Variants in IDH2 observed in about 807,000 individuals in gnomAD.
IDH2 encodes the protein isocitrate dehydrogenase (NADP(+)) 2.
In IDH2, 18 loss-of-function variants were observed where a neutral mutation model predicts 50.5. That is an observed-to-expected ratio of 0.36 (90% CI 0.25 to 0.53). The LOEUF (loss-of-function observed/expected upper bound fraction) is 0.53, where lower values mean the gene tolerates loss of function less well. Among genes scored for constraint, IDH2 ranks in the 20% least tolerant of loss-of-function variants. The pLI, the probability that IDH2 is intolerant of heterozygous loss-of-function variation, is 0.92. For synonymous variants in IDH2, 280 were observed against 239.8 expected (o/e 1.17, Z -1.55); for missense variants, 518 against 610.7 (o/e 0.85, Z 1.60).
rs35474233 is a variant in IDH2 at position 90,084,424 on chromosome 15, AG to A, written c.1272-72del. On this transcript the variant is annotated intron_variant, in intron 10 of 10. Transcript: ENST00000330062. This position sits in a 1 kb window ranked among gnomAD's most constrained non-coding sequence, Gnocchi z 5.0. ...CCAAGGCCATCAGCCAGGCCCTTCC[AG>A]GGAACAGCCTGAGCTTGGGCATCAG... 2 of 1,383,598 alleles carry A rather than the reference AG, an allele frequency of 1.4e-6. No homozygotes were observed. The allele number at this position is 1,383,598 out of a possible 1,614,324, so 85.7% of individuals were successfully genotyped here. A position where few individuals can be genotyped will look rare whatever the true frequency, so the allele number is the denominator to read the frequency against.
intron 1 of IDH2, among the ~76,000 whole-genome samples, chr15:90,093,437 C>G (rs74575839): frequency 1.3e-5 from 2 of 152,082 alleles, no homozygotes; most frequent in Non-Finnish European, 2.9e-5. Flanking sequence ...TTGTCTGTTG[C>G]GTGCAACCCA....
In IDH2 at chr15:90,102,324, G is replaced by A. The variant is rs1433340280; in HGVS notation, c.67C>T (p.Pro23Ser). ...GAGGTGGGGGCTGTCAGGGCCGCCGGCGCCCAGGCCGGCCGCGAGCCTGAG... is the reference window on the plus strand; with the variant it reads ...GAGGTGGGGGCTGTCAGGGCCGCCGACGCCCAGGCCGGCCGCGAGCCTGAG... Reference protein sequence around the residue: ...RASGSRPAWAPAALTAPTSQE... With the variant: ...RASGSRPAWASAALTAPTSQE... Residue 23 changes from proline to serine, a missense_variant, in exon 1 of 11, where the codon CCG becomes TCG. By Grantham distance (74) the Pro-to-Ser change is moderately conservative. Around this residue, in one of 5 missense-constraint regions of IDH2, gnomAD observed 85 missense variants for 66.9 expected, o/e 1.27. Coordinates refer to ENST00000330062, the MANE Select transcript of IDH2 (RefSeq NM_002168.4). 1.5e-6 allele frequency: 2 copies of A among 1,361,788 alleles called. No individual in the cohort carries two copies. Among genetic ancestry groups the A allele is most frequent in the Middle Eastern group, 2.6e-4 (1 of 3,890 alleles). 84.4% of individuals were successfully genotyped at this position (1,361,788 alleles called of 1,614,324 possible).
rs1438792310 is a variant in IDH2, at chr15:90,085,691, G to A, written c.968-304C>T. Among the ~76,000 whole-genome samples, 2 of 152,206 alleles carry A rather than the reference G, an allele frequency of 1.3e-5. No individual in the cohort carries two copies. The highest frequency in any genetic ancestry group is 4.8e-5 in the African/African-American group (2 of 41,456). ...GGCCCACAGGGCCCAAGAGGCCACA[G>A]AGTCCTGTGGTCCCCCACAGCCTGC... On this transcript the variant is annotated intron_variant, in intron 7 of 10. Transcript: ENST00000330062. This position sits in a 1 kb window ranked among gnomAD's most constrained non-coding sequence, Gnocchi z 5.5.
chr15:90,091,902 C>T (rs1901048959), intron 1 of IDH2, among the ~76,000 whole-genome samples: 1 of 152,238 alleles, frequency 6.6e-6, no homozygotes, highest in Admixed American at 6.5e-5. Context: ...TGCAGGTCCA[C>T]GGACTGTTGG....
rs149060243 is a variant in IDH2, at chr15:90,085,289, G to A, written c.1066C>T (p.Arg356Trp). ...AAHGTVTRHY[R>W]EHQKGRPTST... is the part of the protein sequence containing the mutation. ...CCTGCACTCACCTTCTGGTGCTCCC[G>A]ATAGTGGCGGGTGACGGTCCCATGA... The change falls in exon 8 of 11, where the codon CGG (arginine) becomes TGG (tryptophan). Residue 356 changes from arginine (R) to tryptophan (W), a missense_variant. By Grantham distance (101) the Arg-to-Trp change is moderately radical. Around this residue, in one of 5 missense-constraint regions of IDH2, gnomAD observed 135 missense variants for 167.6 expected, o/e 0.81. Coordinates refer to ENST00000330062, the MANE Select transcript of IDH2 (RefSeq NM_002168.4). This position sits in a 1 kb window ranked among gnomAD's most constrained non-coding sequence, Gnocchi z 5.5. 2.6e-6 allele frequency: 4 copies of A among 1,554,788 alleles called. No homozygotes were observed. Among genetic ancestry groups the A allele is most frequent in the African/African-American group, 2.7e-5 (2 of 73,282 alleles).
At chr15:90,096,598 T>C (rs905092855) in intron 1 of IDH2, among the ~76,000 whole-genome samples, 1 of 151,852 alleles carries the variant, frequency 6.6e-6, no homozygotes, top group Non-Finnish European at 1.5e-5. Flanking sequence ...TGGAAAACAG[T>C]ATGGGTGTTC....
intron 1 of IDH2, among the ~76,000 whole-genome samples, chr15:90,094,512 G>C (rs1257450705): frequency 6.6e-6 from 1 of 152,202 alleles, no homozygotes; most frequent in Non-Finnish European, 1.5e-5. Flanking sequence ...AATTACTCTT[G>C]TGTTACACAC....
Position 90,087,190 on chromosome 15 carries a change from C to A in IDH2, c.889G>T (p.Val297Phe). The A allele has an allele frequency of 6.2e-7, 1 of 1,614,144 alleles. No individual in the cohort carries two copies. The highest frequency in any genetic ancestry group is 8.5e-7 in the Non-Finnish European group (1 of 1,180,040). The change falls in exon 7 of 11, where the codon GTC becomes TTC. Residue 297 changes from valine (V) to phenylalanine (F), a missense_variant. Physicochemically the swap from Val to Phe is conservative, Grantham distance 50. Coordinates refer to ENST00000330062, the MANE Select transcript of IDH2 (RefSeq NM_002168.4). ...ACAAAGCCACCCGAAGACTTGAGGA[C>A]CTGAGCCACCATGTCATCAATGAGC... is the stretch of plus-strand genomic sequence containing the variant. ...HRLIDDMVAQ[V>F]LKSSGGFVWA... is the part of the protein sequence containing the mutation.
intron 1 of IDH2, among the ~76,000 whole-genome samples, chr15:90,094,714 T>G (rs981191461): frequency 1.3e-5 from 2 of 152,212 alleles, no homozygotes; most frequent in African/African-American, 4.8e-5. Flanking sequence ...AAGACCAGCC[T>G]GGCCAACATG....
At chr15:90,089,276 T>C (rs990772149) in intron 3 of IDH2, among the ~76,000 whole-genome samples, 7 of 152,136 alleles carry the variant, frequency 4.6e-5, no homozygotes, top group African/African-American at 7.2e-5. Flanking sequence ...AAAAAAAAAT[T>C]ACTGGAAAAA....
intron 3 of IDH2, among the ~76,000 whole-genome samples, chr15:90,089,219 G>T (rs977556498): frequency 2.0e-5 from 3 of 152,042 alleles, no homozygotes; most frequent in Non-Finnish European, 4.4e-5. Flanking sequence ...CAGCAAGTCT[G>T]CCAGTTTTAA....
chr15:90,090,785 G>T, intron 2 of IDH2, 141 bp from the exon 3 acceptor site: 1 of 878,668 alleles, frequency 1.1e-6, no homozygotes. Context: ...GAGGGGCGCA[G>T]CAGAAAGCTG....
rs1415271670 is a variant in IDH2, at chr15:90,088,557, T to C, written c.534+30A>G. 1.9e-6 allele frequency: 3 copies of C among 1,613,890 alleles called. No individual in the cohort carries two copies. In the African/African-American group the frequency reaches 4.0e-5, roughly 22 times the overall value. On this transcript the variant is annotated intron_variant, in intron 4 of 10. Transcript: ENST00000330062. ...GAGCTCCAGTCGGGGGGTGCCCAGGTCAGTGGATCCCCTCTCCACCCTGGC... is the reference window on the plus strand; with the variant it reads ...GAGCTCCAGTCGGGGGGTGCCCAGGCCAGTGGATCCCCTCTCCACCCTGGC...
chr15:90,092,540 G>A (rs1901069673), intron 1 of IDH2, among the ~76,000 whole-genome samples: 1 of 152,052 alleles, frequency 6.6e-6, no homozygotes, highest in South Asian at 2.1e-4. Context: ...CAAGTAGCTG[G>A]GACTACAGGC....
chr15:90,089,437 C>T (rs1043887886), intron 3 of IDH2, among the ~76,000 whole-genome samples: 4 of 152,152 alleles, frequency 2.6e-5, no homozygotes, highest in Non-Finnish European at 4.4e-5. Context: ...ACTTGTCTGA[C>T]GAAGCCTGAC....
intron 1 of IDH2, among the ~76,000 whole-genome samples, chr15:90,094,905 A>C (rs1455549132): frequency 6.6e-6 from 1 of 150,668 alleles, no homozygotes; most frequent in Non-Finnish European, 1.5e-5. Context: ...CCATCTCAAA[A>C]AAACAAACAA....
In IDH2 at chr15:90,087,100, C is replaced by T. The variant is rs2151547961; in HGVS notation, c.967+12G>A. ...GTCCACCCCCACAGGGAGCAGCGTC[C>T]TCCCAGCGTACCCTGGGCCAGGATG... is the stretch of plus-strand genomic sequence containing the variant. On this transcript the variant is annotated intron_variant, in intron 7 of 10. Coordinates refer to ENST00000330062, the MANE Select transcript of IDH2 (RefSeq NM_002168.4). 6.2e-7 allele frequency: 1 copy of T among 1,613,836 alleles called. No individual in the cohort carries two copies. The highest frequency in any genetic ancestry group is 8.5e-7 in the Non-Finnish European group (1 of 1,179,736).
Position 90,085,415 on chromosome 15 carries a change from G to T in IDH2, c.968-28C>A. On this transcript the variant is annotated intron_variant, in intron 7 of 10. Coordinates refer to ENST00000330062, the MANE Select transcript of IDH2 (RefSeq NM_002168.4). This position sits in a 1 kb window ranked among gnomAD's most constrained non-coding sequence, Gnocchi z 5.5. Reference sequence around the variant, plus strand: ...GGAGGGTAGAAAGCCTTTCTCTCAGGGCCTCGCCTCTCCTGGGGCCACCCA... The same window carrying T: ...GGAGGGTAGAAAGCCTTTCTCTCAGTGCCTCGCCTCTCCTGGGGCCACCCA... The T allele has an allele frequency of 6.7e-7, 1 of 1,484,332 alleles. No homozygotes were observed. The highest frequency in any genetic ancestry group is 9.2e-7 in the Non-Finnish European group (1 of 1,086,540). The allele number at this position is 1,484,332 out of a possible 1,614,324, so 91.9% of individuals were successfully genotyped here. A position where few individuals can be genotyped will look rare whatever the true frequency, so the allele number is the denominator to read the frequency against.
chr15:90,096,360 T>C (rs1001532695), intron 1 of IDH2, among the ~76,000 whole-genome samples: 2 of 151,964 alleles, frequency 1.3e-5, no homozygotes, highest in Non-Finnish European at 1.5e-5. Flanking sequence ...CCAAAGATGA[T>C]ATACAAATGG....
Sources: allele counts gnomAD v4.1 joint callset (sites outside exome capture counted in the v4.1 genomes callset), GRCh38; gene constraint gnomAD v4.1.1; regional missense constraint gnomAD v4.1.1; non-coding constraint Gnocchi (gnomAD v3.1); transcripts MANE v1.5; gene names NCBI Gene and HGNC (gene_info 2026-07-23, HGNC 2026-07-21).